The following PPP1R2 variants were observed in gnomAD, a reference collection of about 807,000 sequenced individuals.
PPP1R2 encodes protein phosphatase 1 regulatory inhibitor subunit 2, also known as protein phosphatase inhibitor 2.
A neutral mutation model predicts 29.9 loss-of-function variants in PPP1R2; 16 were observed. The observed-to-expected ratio is 0.53, with a 90% CI of 0.36 to 0.81. The LOEUF (loss-of-function observed/expected upper bound fraction) is 0.81. Ranked by LOEUF, PPP1R2 falls within the 30% of genes least tolerant of loss-of-function variation. PPP1R2 has a pLI of 0.00. For missense variants in PPP1R2, 197 were observed against 252.7 expected, an observed-to-expected ratio of 0.78 and a Z score of 1.49; for synonymous variants, 76 against 91.5, an observed-to-expected ratio of 0.83 and a Z score of 0.96.
chr3:195,537,481 T>TTTTTTTTTTGTGTGTGTGTGTGTGTGTG (rs150119072), intron 1 of PPP1R2, among the ~76,000 whole-genome samples: 2 of 128,516 alleles, frequency 1.6e-5, no homozygotes, highest in African/African-American at 6.0e-5. Flanking sequence ...GGATTAGCTA[T>TTTTTTTTTTGTGTGTGTGTGTGTGTGTG]TGTGTGTGTG....
At chr3:195,539,718 AG>A (rs1005519418) in intron 1 of PPP1R2, among the ~76,000 whole-genome samples, 6 of 152,204 alleles carry the variant, frequency 3.9e-5, no homozygotes, top group African/African-American at 1.4e-4. Context: ...ACTAATGCAA[AG>A]TATAAACAAT....
At chr3:195,532,605 T>C (rs1030681132) in intron 1 of PPP1R2, among the ~76,000 whole-genome samples, 2 of 152,174 alleles carry the variant, frequency 1.3e-5, no homozygotes, top group Non-Finnish European at 2.9e-5. Flanking sequence ...TACCCTTTAC[T>C]ATAGAGAAGC....
chr3:195,539,056 T>C (rs1261029578), intron 1 of PPP1R2, among the ~76,000 whole-genome samples: 1 of 152,230 alleles, frequency 6.6e-6, no homozygotes, highest in African/African-American at 2.4e-5. Context: ...CATTTTCACA[T>C]CTCTGAAAAA....
At position 195,542,985 on chromosome 3, in the gene PPP1R2, ATCC is replaced by A; in HGVS notation, c.38_40del (p.Gly13_Ile14delinsVal). 1.9e-6 allele frequency: 3 copies of A among 1,602,332 alleles called. No homozygotes were observed. Among genetic ancestry groups the A allele is most frequent in the Non-Finnish European group, 2.6e-6 (3 of 1,174,600 alleles). On this transcript the variant is annotated inframe_deletion, in exon 1 of 6. Transcript: ENST00000618156. ...AGTCGTAGAGGTCTTGTTCTTCAAG[ATCC>A]CCTTGATGGGCCGGTGCGAGGCCGT...
rs1382440520 is a variant in PPP1R2 at position 195,524,882 on chromosome 3, T to C, written c.245A>G (p.Asp82Gly). The part of the protein sequence containing the change: ...STPYHSMMGD[D>G]EDACSDTEAT... Reference sequence around the variant, plus strand: ...CTCGGTGTCACTACAGGCATCTTCATCATCCCCCATCATACTAGTATGACA... The same window carrying C: ...CTCGGTGTCACTACAGGCATCTTCACCATCCCCCATCATACTAGTATGACA... Residue 82 changes from aspartate (D) to glycine (G), a missense_variant, in exon 3 of 6, where the codon GAT becomes GGT. Around this residue, in one of 3 missense-constraint regions of PPP1R2, gnomAD observed 135 missense variants for 163.0 expected, o/e 0.83. Transcript: ENST00000618156. 1 of 1,613,934 alleles carries C rather than the reference T, an allele frequency of 6.2e-7. No homozygotes were observed. Among genetic ancestry groups the C allele is most frequent in the African/African-American group, 1.3e-5 (1 of 74,900 alleles).
intron 2 of PPP1R2, among the ~76,000 whole-genome samples, chr3:195,527,346 A>G (rs2108944840): frequency 6.6e-6 from 1 of 152,124 alleles, no homozygotes; most frequent in South Asian, 2.1e-4. Context: ...GCTACTTGGG[A>G]GGCTGAGGCA....
chr3:195,535,217 C>T (rs1396509829), intron 1 of PPP1R2, among the ~76,000 whole-genome samples: 1 of 152,196 alleles, frequency 6.6e-6, no homozygotes, highest in Non-Finnish European at 1.5e-5. Context: ...GCACAGTTCA[C>T]AATAGGGTTC....
At chr3:195,533,098 G>T (rs1719247757) in intron 1 of PPP1R2, among the ~76,000 whole-genome samples, 1 of 152,092 alleles carries the variant, frequency 6.6e-6, no homozygotes, top group African/African-American at 2.4e-5. Flanking sequence ...TGTAATCCCA[G>T]CACTTTGGGA....
chr3:195,522,693 G>T (rs758824317), intron 4 of PPP1R2, among the ~76,000 whole-genome samples: 1 of 152,116 alleles, frequency 6.6e-6, no homozygotes, highest in South Asian at 2.1e-4. Context: ...AATTTCTCTC[G>T]TACAAATATT....
intron 1 of PPP1R2, among the ~76,000 whole-genome samples, chr3:195,540,013 G>A (rs899051056): frequency 6.6e-6 from 1 of 152,154 alleles, no homozygotes; most frequent in African/African-American, 2.4e-5. Context: ...CTGGGGGATG[G>A]GTAGGAGTCA....
chr3:195,543,308 G>C lies in PPP1R2; in HGVS notation c.-283C>G, dbSNP rs996725042. 7 of 270,080 alleles carry C rather than the reference G, an allele frequency of 2.6e-5. No homozygotes were observed. Among genetic ancestry groups the C allele is most frequent in the African/African-American group, 1.1e-4 (5 of 44,888 alleles). The allele number at this position is 270,080 out of a possible 1,614,324, so 16.7% of individuals were successfully genotyped here. A position where few individuals can be genotyped will look rare whatever the true frequency, so the allele number is the denominator to read the frequency against. On this transcript the variant is annotated 5_prime_UTR_variant, in exon 1 of 6. Coordinates refer to ENST00000618156, the MANE Select transcript of PPP1R2 (RefSeq NM_006241.8). Reference sequence around the variant, plus strand: ...GCCGGCCTAGAGCTCCAGCGCAGGAGCGACGCGACGCCGAAGCCAAGCGGA... The same window carrying C: ...GCCGGCCTAGAGCTCCAGCGCAGGACCGACGCGACGCCGAAGCCAAGCGGA...
In PPP1R2 at chr3:195,514,514, T is replaced by C. The variant is rs1310322466; in HGVS notation, c.*2382A>G. 1 of 152,202 alleles carries C rather than the reference T, an allele frequency of 6.6e-6. No individual in the cohort carries two copies. Among genetic ancestry groups the C allele is most frequent in the East Asian group, 1.9e-4 (1 of 5,208 alleles). 9.4% of individuals were successfully genotyped at this position (152,202 alleles called of 1,614,324 possible). A position where few individuals can be genotyped will look rare whatever the true frequency, so the allele number is the denominator to read the frequency against. ...AACAAAACCAAAGTCATGGGGAAAATGGCATCTTGCTTTAATCTTCAACTG... is the reference window on the plus strand; with the variant it reads ...AACAAAACCAAAGTCATGGGGAAAACGGCATCTTGCTTTAATCTTCAACTG... On this transcript the variant is annotated 3_prime_UTR_variant, in exon 6 of 6. Coordinates refer to ENST00000618156, the MANE Select transcript of PPP1R2 (RefSeq NM_006241.8).
rs146508182 is a variant in PPP1R2, at chr3:195,532,215, C to CTTTT, written c.123-2318_123-2315dup. Among the ~76,000 whole-genome samples the CTTTT allele has an allele frequency of 7.5e-5, 9 of 120,178 alleles. 1 individual carries two copies. The highest frequency in any genetic ancestry group is 5.7e-4 in the South Asian group (2 of 3,518). 78.8% of individuals were successfully genotyped at this position (120,178 alleles called of 152,430 possible). A position where few individuals can be genotyped will look rare whatever the true frequency, so the allele number is the denominator to read the frequency against. On this transcript the variant is annotated intron_variant, in intron 1 of 5. Transcript: ENST00000618156. ...CCAGCTAATTTTTCTTTTTCTTTTT[C>CTTTT]TTTTTTTTTTTTTTTTTTTACAGGT... is the stretch of plus-strand genomic sequence containing the variant.
In PPP1R2 at chr3:195,516,581, T is replaced by C. The variant is rs987140986; in HGVS notation, c.*315A>G. The C allele has an allele frequency of 3.5e-5, 9 of 256,242 alleles. No individual in the cohort carries two copies. The highest frequency in any genetic ancestry group is 2.5e-4 in the Admixed American group (5 of 20,094). 15.9% of individuals were successfully genotyped at this position (256,242 alleles called of 1,614,324 possible). A position where few individuals can be genotyped will look rare whatever the true frequency, so the allele number is the denominator to read the frequency against. ...ATAAATTAGTTCCCCCCCAAAGATA[T>C]TGTTTAACTTCTAAAGCATAAAAAG... On this transcript the variant is annotated 3_prime_UTR_variant, in exon 6 of 6. Transcript: ENST00000618156.
At chr3:195,535,595 C>T (rs1719349380) in intron 1 of PPP1R2, among the ~76,000 whole-genome samples, 1 of 152,180 alleles carries the variant, frequency 6.6e-6, no homozygotes, top group Non-Finnish European at 1.5e-5. Context: ...ACAGACATCA[C>T]ACCAGAGGAA....
chr3:195,535,453 G>GA (rs980869727), intron 1 of PPP1R2, among the ~76,000 whole-genome samples: 3 of 152,222 alleles, frequency 2.0e-5, no homozygotes, highest in Non-Finnish European at 4.4e-5. Context: ...TCCTGCTCGA[G>GA]AAAACTGTAT....
intron 1 of PPP1R2, among the ~76,000 whole-genome samples, chr3:195,536,845 T>C (rs914926648): frequency 3.0e-5 from 4 of 134,416 alleles, no homozygotes; most frequent in Non-Finnish European, 4.9e-5. Context: ...TTGCTTAGGA[T>C]AAAAAAAAGA....
intron 1 of PPP1R2, among the ~76,000 whole-genome samples, chr3:195,540,709 G>A (rs890788458): frequency 9.2e-5 from 14 of 152,044 alleles, no homozygotes; most frequent in East Asian, 5.8e-4. Flanking sequence ...GAGCTGGCAC[G>A]CTCAGCTTCC....
chr3:195,543,265 C>A lies in PPP1R2; in HGVS notation c.-240G>T. The A allele has an allele frequency of 2.4e-6, 1 of 410,366 alleles. No individual in the cohort carries two copies. The highest frequency in any genetic ancestry group is 4.2e-6 in the Non-Finnish European group (1 of 236,966). 25.4% of individuals were successfully genotyped at this position (410,366 alleles called of 1,614,324 possible). On this transcript the variant is annotated 5_prime_UTR_variant, in exon 1 of 6. Transcript: ENST00000618156. Reference sequence around the variant, plus strand: ...CACCCTTAGCCACTGGCACTTGACCCGCGGCTCGCGGAGAGACGCCGGCCT... The same window carrying A: ...CACCCTTAGCCACTGGCACTTGACCAGCGGCTCGCGGAGAGACGCCGGCCT...
Sources: allele counts gnomAD v4.1 joint callset (sites outside exome capture counted in the v4.1 genomes callset), GRCh38; gene constraint gnomAD v4.1.1; regional missense constraint gnomAD v4.1.1; transcripts MANE v1.5; gene names NCBI Gene and HGNC (gene_info 2026-07-23, HGNC 2026-07-21).